PCDH15: variants seen among roughly 807,000 people sequenced by gnomAD.
PCDH15 encodes protocadherin related 15.
A neutral mutation model predicts 178.5 loss-of-function variants in PCDH15; 129 were observed. The ratio of observed to expected loss-of-function variants is 0.72; its 90% confidence interval spans 0.63 to 0.84. The LOEUF (loss-of-function observed/expected upper bound fraction) is 0.84, where lower values mean the gene tolerates loss of function less well. Among genes scored for constraint, PCDH15 ranks in the 40% least tolerant of loss-of-function variants. The pLI, the probability that PCDH15 is intolerant of heterozygous loss-of-function variation, is 0.00. For synonymous variants in PCDH15, 800 were observed against 732.0 expected (o/e 1.09, Z -1.50); for missense variants, 2,230 against 2,099.9 (o/e 1.06, Z -1.21).
At chr10:54,896,922 T>C (rs532619954) in intron 3 of PCDH15, among the ~76,000 whole-genome samples, 47 of 152,194 alleles carry the variant, frequency 3.1e-4, no homozygotes, top group Non-Finnish European at 6.0e-4. Context: ...AATAAGCAAT[T>C]ACATATTGAG....
At chr10:55,304,265 G>A (rs1338594026) in intron 1 of PCDH15, among the ~76,000 whole-genome samples, 1 of 152,030 alleles carries the variant, frequency 6.6e-6, no homozygotes, top group East Asian at 1.9e-4. Context: ...AGGTTTTTGG[G>A]AGGTTTTCCT....
At chr10:54,075,726 T>C (rs954755048) in intron 17 of PCDH15, among the ~76,000 whole-genome samples, 12 of 152,190 alleles carry the variant, frequency 7.9e-5, no homozygotes, top group Non-Finnish European at 1.5e-4. Flanking sequence ...TGTAGAATGA[T>C]CATAGCACCC....
intron 18 of PCDH15, among the ~76,000 whole-genome samples, chr10:54,026,833 A>T (rs2093113773): frequency 6.6e-6 from 1 of 152,160 alleles, no homozygotes; most frequent in Admixed American, 6.6e-5. Flanking sequence ...AGCCAGTATC[A>T]TACTGAATGG....
chr10:54,784,337 T>A (rs1591618226), intron 1 of PCDH15, among the ~76,000 whole-genome samples: 2 of 145,908 alleles, frequency 1.4e-5, no homozygotes, highest in South Asian at 2.1e-4. Flanking sequence ...ATAATAATAA[T>A]AAAAAAAAAA....
chr10:54,019,403 T>C (rs1353928645), intron 20 of PCDH15, among the ~76,000 whole-genome samples: 1 of 152,122 alleles, frequency 6.6e-6, no homozygotes, highest in Non-Finnish European at 1.5e-5. Context: ...GAAACATCTG[T>C]GTACTTTTCT....
chr10:54,616,952 A>C (rs1340731049), intron 2 of PCDH15, among the ~76,000 whole-genome samples: 1 of 152,142 alleles, frequency 6.6e-6, no homozygotes, highest in Non-Finnish European at 1.5e-5. Flanking sequence ...AGCATAAAAA[A>C]GAAAACCTAG....
rs116052332 is a variant in PCDH15 at position 55,569,812 on chromosome 10, G to A, written c.-156+57813C>T. ...CATTCAGAGTAATCGTGTGAACATGGTTCTATTTCTGTCTATGTCTATACA... is the reference window on the plus strand; with the variant it reads ...CATTCAGAGTAATCGTGTGAACATGATTCTATTTCTGTCTATGTCTATACA... On this transcript the variant is annotated intron_variant, in intron 2 of 5. Transcript: ENST00000613346. Among the ~76,000 whole-genome samples, 1,506 of 151,962 alleles carry A rather than the reference G, an allele frequency of 9.9e-3. 32 individuals are homozygous for A. The highest frequency in any genetic ancestry group is 0.035 in the African/African-American group (1,442 of 41,500).
chr10:55,016,101 A>T (rs1311424247), intron 2 of PCDH15, among the ~76,000 whole-genome samples: 6,231 of 43,628 alleles, frequency 0.14, 136 homozygotes, highest in Middle Eastern at 0.23. Flanking sequence ...TTTTTTTTAA[A>T]AAAAAAAAAA....
At chr10:54,903,212 G>A (rs1225221152) in intron 2 of PCDH15, among the ~76,000 whole-genome samples, 1 of 152,138 alleles carries the variant, frequency 6.6e-6, no homozygotes, top group African/African-American at 2.4e-5. Flanking sequence ...CAACACTACA[G>A]TGTTCGTTTG....
At chr10:55,001,295 G>A (rs911099766) in intron 2 of PCDH15, among the ~76,000 whole-genome samples, 3 of 152,284 alleles carry the variant, frequency 2.0e-5, no homozygotes, top group Admixed American at 6.5e-5. Flanking sequence ...CTTCCCGGAT[G>A]CGGGACAAGA....
At chr10:55,542,143 T>C (rs1472167969) in intron 2 of PCDH15, among the ~76,000 whole-genome samples, 2 of 151,446 alleles carry the variant, frequency 1.3e-5, no homozygotes, top group African/African-American at 4.8e-5. Context: ...TATATATATA[T>C]GTCTATATAT....
intron 2 of PCDH15, among the ~76,000 whole-genome samples, chr10:55,338,025 T>C (rs1844444287): frequency 6.6e-6 from 1 of 152,048 alleles, no homozygotes; most frequent in African/African-American, 2.4e-5. Context: ...AAAGAAGAGA[T>C]ACAAATAGCC....
At position 55,293,032 on chromosome 10, in the gene PCDH15, G is replaced by A. The variant is rs535105359; in HGVS notation, c.-156+26567C>T. Among the ~76,000 whole-genome samples, 29 of 152,286 alleles carry A rather than the reference G, an allele frequency of 1.9e-4. 1 individual carries two copies. In the East Asian group the frequency reaches 5.6e-3, roughly 30 times the overall value. ...AGCAGAGGTTCTCCATGAGGGCCGG[G>A]CCCCTGCAGCAAACTTCTGCCTGGG... On this transcript the variant is annotated intron_variant, in intron 1 of 5. Transcript: ENST00000458638.
chr10:54,208,609 T>C (rs1434701746), intron 10 of PCDH15, among the ~76,000 whole-genome samples: 2 of 152,024 alleles, frequency 1.3e-5, no homozygotes, highest in African/African-American at 2.4e-5. Context: ...CCCGACCATA[T>C]TGAGTATGAA....
rs1841466116 is a variant in PCDH15, at chr10:55,238,889, G to C, written c.-155-72238C>G. Among the ~76,000 whole-genome samples, 3 of 151,956 alleles carry C rather than the reference G, an allele frequency of 2.0e-5. No homozygotes were observed. The South Asian group carries it at 6.2e-4, about 32-fold the overall frequency. On this transcript the variant is annotated intron_variant, in intron 1 of 5. Coordinates refer to the PCDH15 transcript ENST00000458638. ...TTAGGAACACAAAGTACTTTTGTAA[G>C]CACAATTCCACTCTTTTAGTTATTT...
intron 1 of PCDH15, among the ~76,000 whole-genome samples, chr10:54,798,295 T>G (rs192509492): frequency 3.3e-5 from 5 of 152,110 alleles, no homozygotes; most frequent in Admixed American, 1.3e-4. Context: ...AACTAATAAA[T>G]GAAGCCCCAC....
chr10:55,159,978 C>T (rs1247596466), intron 2 of PCDH15, among the ~76,000 whole-genome samples: 2 of 151,704 alleles, frequency 1.3e-5, no homozygotes, highest in Non-Finnish European at 2.9e-5. Context: ...AACACTTAAA[C>T]ATTTATTTGG....
intron 17 of PCDH15, among the ~76,000 whole-genome samples, chr10:54,068,761 T>C (rs1252612194): frequency 6.6e-6 from 1 of 152,200 alleles, no homozygotes; most frequent in Non-Finnish European, 1.5e-5. Context: ...ATTTCTGTTT[T>C]TTGTTATGAG....
chr10:55,212,133 A>G (rs1403344682), intron 1 of PCDH15, among the ~76,000 whole-genome samples: 1 of 152,100 alleles, frequency 6.6e-6, no homozygotes, highest in Non-Finnish European at 1.5e-5. Flanking sequence ...AATGGGCAAC[A>G]TGGTGCAGCT....
Sources: gnomAD v4.1 joint callset for allele counts (sites outside exome capture counted in the v4.1 genomes callset) on GRCh38, gnomAD v4.1.1 for gene constraint, MANE v1.5 for transcripts, NCBI Gene and HGNC (gene_info 2026-07-23, HGNC 2026-07-21) for gene names.